BRWD1: variants seen among roughly 807,000 people sequenced by gnomAD.
The protein encoded by BRWD1 is bromodomain and WD repeat-containing protein 1.
In BRWD1, 82 loss-of-function variants were observed where a neutral mutation model predicts 251.2. That is an observed-to-expected ratio of 0.33 (90% CI 0.27 to 0.39). The LOEUF is 0.39. Ranked by LOEUF, BRWD1 falls within the 10% of genes least tolerant of loss-of-function variation. The pLI, the probability that BRWD1 is intolerant of heterozygous loss-of-function variation, is 1.00. For missense variants in BRWD1, 2,233 were observed against 2,711.6 expected (o/e 0.82, Z 3.92); for synonymous variants, 918 against 902.8 (o/e 1.02, Z -0.30).
chr21:39,303,506 G>A (rs900682331), intron 4 of BRWD1, among the ~76,000 whole-genome samples: 7 of 122,810 alleles, frequency 5.7e-5, no homozygotes, highest in Non-Finnish European at 8.1e-5. Context: ...GCAACAGAGC[G>A]AGACTCCATC....
At position 39,196,936 on chromosome 21, in the gene BRWD1, T is replaced by C. The variant is rs779560374; in HGVS notation, c.6133A>G (p.Lys2045Glu). 6.2e-7 allele frequency: 1 copy of C among 1,613,936 alleles called. No homozygotes were observed. The change falls in exon 41 of 41, where the codon AAA (lysine) becomes GAA (glutamate). Residue 2045 changes from lysine to glutamate, a missense_variant. By Grantham distance (56) the Lys-to-Glu change is moderately conservative (BLOSUM62 1). Around this residue, in one of 12 missense-constraint regions of BRWD1, gnomAD observed 928 missense variants for 970.0 expected, o/e 0.96. Transcript: ENST00000342449. ...CCTGAAGATGTAACAGAGGAACTTTTTCTTTTAGAAGGTGCATCTATTTTG... is the reference window on the plus strand; with the variant it reads ...CCTGAAGATGTAACAGAGGAACTTTCTCTTTTAGAAGGTGCATCTATTTTG... ...IHKIDAPSKR[K>E]SSSVTSSGED...
chr21:39,241,473 T>TAAAAAAAAAAAAAAAAA (rs61488970), intron 21 of BRWD1, among the ~76,000 whole-genome samples: 2 of 44,920 alleles, frequency 4.5e-5, no homozygotes, highest in African/African-American at 7.0e-5. Context: ...ATCTCCAAAG[T>TAAAAAAAAAAAAAAAAA]AAAAAAAAAA....
chr21:39,307,921 C>T (rs895933945), intron 4 of BRWD1, among the ~76,000 whole-genome samples: 2 of 152,056 alleles, frequency 1.3e-5, no homozygotes, highest in Non-Finnish European at 2.9e-5. Flanking sequence ...TCATTTGTAA[C>T]TTGGGGACAC....
chr21:39,191,859 T>C lies in BRWD1; in HGVS notation c.*4400A>G, dbSNP rs2146442034. 1 of 984,864 alleles carries C rather than the reference T, an allele frequency of 1.0e-6. No homozygotes were observed. The highest frequency in any genetic ancestry group is 1.1e-4 in the East Asian group (1 of 8,804). The allele number at this position is 984,864 out of a possible 1,614,324, so 61.0% of individuals were successfully genotyped here. A position where few individuals can be genotyped will look rare whatever the true frequency, so the allele number is the denominator to read the frequency against. On this transcript the variant is annotated 3_prime_UTR_variant, in exon 41 of 41. Transcript: ENST00000342449. ...GCTTTAATAAATGAAAAAACTTACC[T>C]TAAAACTGACATAACTAAAATATGA...
In BRWD1 at chr21:39,206,135, C is replaced by A; in HGVS notation, c.4337G>T (p.Gly1446Val). 8.7e-6 allele frequency: 14 copies of A among 1,612,628 alleles called. No individual in the cohort carries two copies. The highest frequency in any genetic ancestry group is 1.2e-5 in the Non-Finnish European group (14 of 1,179,642). ...GATACTTTTGTTAGGCTGACTGTCACCTTTACAATTTTGCCGTTGCTTGAA... is the reference window on the plus strand; with the variant it reads ...GATACTTTTGTTAGGCTGACTGTCAACTTTACAATTTTGCCGTTGCTTGAA... ...QRFKQRQNCK[G>V]DSQPNKSIRN... is the part of the protein sequence containing the mutation. The change falls in exon 37 of 41, where the codon GGT becomes GTT. Residue 1446 changes from glycine to valine, a missense_variant. Physicochemically the swap from Gly to Val is moderately radical, Grantham distance 109 (BLOSUM62 -3). Around this residue, in one of 12 missense-constraint regions of BRWD1, gnomAD observed 928 missense variants for 970.0 expected, o/e 0.96. Transcript: ENST00000342449.
chr21:39,289,949 C>T (rs189839216), intron 8 of BRWD1, among the ~76,000 whole-genome samples: 10 of 149,750 alleles, frequency 6.7e-5, no homozygotes, highest in South Asian at 2.1e-4. Context: ...GGCGTGAACC[C>T]GGGAGCCAGA....
chr21:39,276,260 C>A (rs186371041), intron 11 of BRWD1, 47 bp from the exon 12 acceptor site: 7 of 1,517,574 alleles, frequency 4.6e-6, no homozygotes, highest in South Asian at 2.4e-5. Flanking sequence ...TCTACATGGT[C>A]TGTGAATTTG....
rs192661700 is a variant in BRWD1, at chr21:39,278,735, G to A, written c.1003+8C>T. On this transcript the variant is annotated splice_region_variant and intron_variant, in intron 10 of 40. Coordinates refer to ENST00000342449, the MANE Select transcript of BRWD1 (RefSeq NM_033656.4). Reference sequence around the variant, plus strand: ...AAAACTAAGAAAAAAATGTGAAGAAGTTCTTACCAACACTAAAAGAAGAAC... The same window carrying A: ...AAAACTAAGAAAAAAATGTGAAGAAATTCTTACCAACACTAAAAGAAGAAC... 84 of 1,564,396 alleles carry A rather than the reference G, an allele frequency of 5.4e-5. 1 individual carries two copies. In the African/African-American group the frequency reaches 8.2e-4, roughly 15 times the overall value.
rs567805204 is a variant in BRWD1, at chr21:39,188,401, A to G, written c.*7858T>C. The G allele has an allele frequency of 1.2e-4, 119 of 985,356 alleles. 3 individuals carry two copies. The South Asian group carries it at 5.0e-3, about 42-fold the overall frequency. The allele number at this position is 985,356 out of a possible 1,614,324, so 61.0% of individuals were successfully genotyped here. Reference sequence around the variant, plus strand: ...CCAGTTGATATCCTCCACCCACACTAGACATCTGGAGGACTCCACCACATT... The same window carrying G: ...CCAGTTGATATCCTCCACCCACACTGGACATCTGGAGGACTCCACCACATT... On this transcript the variant is annotated 3_prime_UTR_variant, in exon 41 of 41. Coordinates refer to ENST00000342449, the MANE Select transcript of BRWD1 (RefSeq NM_033656.4).
In BRWD1 at chr21:39,209,983, A is replaced by AT. The variant is rs1364154678; in HGVS notation, c.4197+11dup. The stretch of plus-strand genomic sequence containing the variant: ...CAGGCAGTTTTTTTCAATAAACCAC[A>AT]TAAAAAATTACCTTTGATCTTTTGT... On this transcript the variant is annotated intron_variant, in intron 36 of 40. Coordinates refer to ENST00000342449, the MANE Select transcript of BRWD1 (RefSeq NM_033656.4). The AT allele has an allele frequency of 1.9e-6, 3 of 1,607,348 alleles. No individual in the cohort carries two copies. The highest frequency in any genetic ancestry group is 1.7e-5 in the Admixed American group (1 of 58,688).
intron 33 of BRWD1, among the ~76,000 whole-genome samples, 166 bp from the exon 34 acceptor site, chr21:39,212,873 G>C (rs1266153152): frequency 6.6e-6 from 1 of 150,732 alleles, no homozygotes; most frequent in Non-Finnish European, 1.5e-5. Flanking sequence ...TGGCACCCAG[G>C]CTTGAAAAAA....
chr21:39,232,804 C>T (rs1319123301), intron 23 of BRWD1, among the ~76,000 whole-genome samples: 1 of 152,248 alleles, frequency 6.6e-6, no homozygotes, highest in East Asian at 1.9e-4. Flanking sequence ...TTACCCATAG[C>T]CTGTTCTGCC....
At position 39,187,855 on chromosome 21, in the gene BRWD1, T is replaced by C. The variant is rs2031333015; in HGVS notation, c.*8404A>G. 1 of 984,454 alleles carries C rather than the reference T, an allele frequency of 1.0e-6. No individual in the cohort carries two copies. The highest frequency in any genetic ancestry group is 1.2e-6 in the Non-Finnish European group (1 of 829,206). 61.0% of individuals were successfully genotyped at this position (984,454 alleles called of 1,614,324 possible). A position where few individuals can be genotyped will look rare whatever the true frequency, so the allele number is the denominator to read the frequency against. ...TAAGGAACCAAAAAGTGCAGAGTGC[T>C]ATGAGAACACAGACTGGAAACCTAA... On this transcript the variant is annotated 3_prime_UTR_variant, in exon 41 of 41. Transcript: ENST00000342449.
Position 39,247,700 on chromosome 21 carries a change from C to T in BRWD1, c.2481+1G>A. On this transcript the variant is annotated splice_donor_variant, in intron 21 of 40. Coordinates refer to ENST00000342449, the MANE Select transcript of BRWD1 (RefSeq NM_033656.4). LOFTEE classifies it high-confidence loss of function. ...ATAACATTTTAAAGTTTTCCACTCA[C>T]ATGTCTTACAGAGCTTGAAGACTCA... 6 of 1,599,010 alleles carry T rather than the reference C, an allele frequency of 3.8e-6. No homozygotes were observed. Among genetic ancestry groups the T allele is most frequent in the Non-Finnish European group, 5.1e-6 (6 of 1,175,364 alleles).
chr21:39,214,762 A>G (rs2032811067), intron 32 of BRWD1, among the ~76,000 whole-genome samples: 1 of 152,158 alleles, frequency 6.6e-6, no homozygotes, highest in South Asian at 2.1e-4. Context: ...TGAAAAACTG[A>G]ATTATTCAGT....
chr21:39,192,796 T>G lies in BRWD1; in HGVS notation c.*3463A>C. The G allele has an allele frequency of 1.0e-6, 1 of 985,208 alleles. No homozygotes were observed. Among genetic ancestry groups the G allele is most frequent in the Non-Finnish European group, 1.2e-6 (1 of 829,778 alleles). 61.0% of individuals were successfully genotyped at this position (985,208 alleles called of 1,614,324 possible). A position where few individuals can be genotyped will look rare whatever the true frequency, so the allele number is the denominator to read the frequency against. On this transcript the variant is annotated 3_prime_UTR_variant, in exon 41 of 41. Coordinates refer to ENST00000342449, the MANE Select transcript of BRWD1 (RefSeq NM_033656.4). ...AAGCACCTTTAACAATGTTCTTGCATTCTACTGATATACAAACCTCTGGGG... is the reference window on the plus strand; with the variant it reads ...AAGCACCTTTAACAATGTTCTTGCAGTCTACTGATATACAAACCTCTGGGG...
chr21:39,309,742 G>A (rs956527836), intron 4 of BRWD1, among the ~76,000 whole-genome samples: 7 of 150,382 alleles, frequency 4.7e-5, no homozygotes, highest in Admixed American at 1.3e-4. Flanking sequence ...GGAGAATGGC[G>A]TGAATCCGGG....
intron 22 of BRWD1, among the ~76,000 whole-genome samples, chr21:39,237,138 C>T (rs183443246): frequency 8.5e-4 from 129 of 152,122 alleles, no homozygotes; most frequent in African/African-American, 2.9e-3. Context: ...TCATACAAAA[C>T]CCCAAAAATA....
chr21:39,267,645 T>C (rs895324212), intron 15 of BRWD1, among the ~76,000 whole-genome samples: 15 of 152,110 alleles, frequency 9.9e-5, no homozygotes, highest in African/African-American at 3.6e-4. Flanking sequence ...CAGTATAAAC[T>C]GAAGAGTAAA....
Sources: gnomAD v4.1 joint callset for allele counts (sites outside exome capture counted in the v4.1 genomes callset) on GRCh38, gnomAD v4.1.1 for gene constraint, gnomAD v4.1.1 regional missense constraint, MANE v1.5 for transcripts, NCBI Gene and HGNC (gene_info 2026-07-23, HGNC 2026-07-21) for gene names.